Variants in ANK2 observed in about 807,000 individuals in gnomAD.
ANK2 encodes the protein ankyrin 2, also known as ankyrin-2.
In ANK2, 83 loss-of-function variants were observed where a neutral mutation model predicts 360.5. The observed-to-expected ratio is 0.23, with a 90% CI of 0.19 to 0.28. The LOEUF (loss-of-function observed/expected upper bound fraction) is 0.28. Among genes scored for constraint, ANK2 ranks in the 10% least tolerant of loss-of-function variants. The pLI is 1.00. For synonymous variants in ANK2, 1,740 were observed against 1,759.5 expected (o/e 0.99, Z 0.28); for missense variants, 4,201 against 4,795.7 (o/e 0.88, Z 3.66).
chr4:113,166,282 A>G (rs548201158), intron 1 of ANK2, among the ~76,000 whole-genome samples: 89 of 152,128 alleles, frequency 5.9e-4, no homozygotes, highest in Non-Finnish European at 1.0e-3. Flanking sequence ...AGTTATAGAG[A>G]CATTTTATGA....
chr4:113,202,042 T>G (rs558866431), intron 4 of ANK2, among the ~76,000 whole-genome samples: 18 of 152,208 alleles, frequency 1.2e-4, no homozygotes, highest in Non-Finnish European at 2.5e-4. Flanking sequence ...TAATCAAATT[T>G]TAGAATCTTT....
In ANK2 at chr4:112,922,741, A is replaced by G. The variant is rs192065184; in HGVS notation, c.21+18227A>G. ...TGTAATAATCAGTGTAGACAATTCA[A>G]TCTCAGTGTTGTATTTAACCTATTT... On this transcript the variant is annotated intron_variant, in intron 2 of 30. Coordinates refer to the ANK2 transcript ENST00000503271. 2.0e-5 allele frequency among the ~76,000 whole-genome samples: 3 copies of G among 152,324 alleles called. No homozygotes were observed. The East Asian group carries it at 5.8e-4, about 29-fold the overall frequency.
the ANK2 span, among the ~76,000 whole-genome samples, chr4:112,749,400 C>T: frequency 6.6e-6 from 1 of 152,148 alleles, no homozygotes; most frequent in Non-Finnish European, 1.5e-5. Flanking sequence ...ACTTTGTACT[C>T]AGGCATAAAA....
chr4:113,229,262 G>A (rs991518196), intron 4 of ANK2, among the ~76,000 whole-genome samples: 4 of 152,116 alleles, frequency 2.6e-5, no homozygotes, highest in African/African-American at 9.7e-5. Flanking sequence ...GTTTCCTTCC[G>A]GAGGCTCTAG....
intron 1 of ANK2, among the ~76,000 whole-genome samples, chr4:112,897,856 G>C (rs1464546957): frequency 1.3e-5 from 2 of 152,120 alleles, no homozygotes; most frequent in Non-Finnish European, 2.9e-5. Flanking sequence ...ATAAGAACTA[G>C]TTTCCTGTAT....
the ANK2 span, among the ~76,000 whole-genome samples, chr4:112,748,610 C>CTCTA: frequency 6.6e-6 from 1 of 152,120 alleles, no homozygotes; most frequent in Non-Finnish European, 1.5e-5. Flanking sequence ...ATTTCCCTTC[C>CTCTA]TCTAACTCCT....
intron 1 of ANK2, among the ~76,000 whole-genome samples, chr4:113,129,692 T>C (rs556714592): frequency 6.6e-6 from 1 of 152,318 alleles, no homozygotes; most frequent in South Asian, 2.1e-4. Flanking sequence ...ATATCTGAAG[T>C]TGGTCTTTAT....
intron 2 of ANK2, among the ~76,000 whole-genome samples, chr4:113,010,605 T>A (rs2054400761): frequency 6.6e-6 from 1 of 151,956 alleles, no homozygotes; most frequent in African/African-American, 2.4e-5. Context: ...AGACCATCAA[T>A]GGTTGTGATA....
the ANK2 span, among the ~76,000 whole-genome samples, chr4:112,741,705 A>G: frequency 1.3e-5 from 2 of 152,078 alleles, no homozygotes; most frequent in African/African-American, 4.8e-5. Flanking sequence ...GGTTCAGGGT[A>G]AGGTGTGGTG....
intron 2 of ANK2, chr4:113,034,799 G>A (rs2061227773): frequency 6.6e-6 from 1 of 151,850 alleles, no homozygotes; most frequent in South Asian, 2.1e-4. Flanking sequence ...ATTTTCCTAT[G>A]GAAGAAATGT....
the ANK2 span, among the ~76,000 whole-genome samples, chr4:112,730,844 T>C: frequency 6.8e-6 from 1 of 147,330 alleles, no homozygotes. Flanking sequence ...AGACACTGTC[T>C]CTAAAAAAAA....
intron 37 of ANK2, chr4:113,350,802 C>T (rs551844361): frequency 3.3e-5 from 5 of 151,434 alleles, no homozygotes; most frequent in African/African-American, 1.2e-4. Context: ...GAGCTGAGGT[C>T]TAACAGACTT....
chr4:113,240,642 A>G (rs765503841), intron 8 of ANK2, 59 bp downstream of exon 8: 118 of 1,421,874 alleles, frequency 8.3e-5, no homozygotes, highest in Non-Finnish European at 1.1e-4. Flanking sequence ...TTAATAAAGT[A>G]AAAAGGAACA....
intron 45 of ANK2, among the ~76,000 whole-genome samples, chr4:113,380,367 G>C (rs2097128090): frequency 6.6e-6 from 1 of 152,222 alleles, no homozygotes; most frequent in Non-Finnish European, 1.5e-5. Flanking sequence ...CTATACAAAA[G>C]TTATAGCTCC....
At chr4:112,961,013 A>G (rs544258493) in intron 2 of ANK2, among the ~76,000 whole-genome samples, 1 of 152,220 alleles carries the variant, frequency 6.6e-6, no homozygotes, top group African/African-American at 2.4e-5. Flanking sequence ...TTTAGTTTTT[A>G]AACTATATTA....
intron 2 of ANK2, among the ~76,000 whole-genome samples, chr4:113,182,290 T>C (rs1486174441): frequency 2.6e-5 from 4 of 152,114 alleles, no homozygotes; most frequent in South Asian, 2.1e-4. Flanking sequence ...GTTTTGAACA[T>C]GTTAAGTTTG....
At chr4:112,876,948 T>A in intron 1 of ANK2, among the ~76,000 whole-genome samples, 1 of 152,142 alleles carries the variant, frequency 6.6e-6, no homozygotes, top group East Asian at 1.9e-4. Flanking sequence ...GACATGGAAC[T>A]GCTTTCTCAA....
chr4:112,989,449 G>T (rs758123949), intron 2 of ANK2, among the ~76,000 whole-genome samples: 1 of 152,092 alleles, frequency 6.6e-6, no homozygotes, highest in Admixed American at 6.5e-5. Flanking sequence ...TTTATTTTTA[G>T]TGGTGTTTTA....
chr4:113,258,529 A>T (rs2050770815), intron 13 of ANK2, 118 bp downstream of exon 13: 2 of 955,988 alleles, frequency 2.1e-6, no homozygotes, highest in African/African-American at 1.6e-5. Context: ...AAGCTTTGAG[A>T]AGGGCCCTTG....
Sources: allele counts gnomAD v4.1 joint callset (sites outside exome capture counted in the v4.1 genomes callset), GRCh38; gene constraint gnomAD v4.1.1; transcripts MANE v1.5; gene names NCBI Gene and HGNC (gene_info 2026-07-23, HGNC 2026-07-21).